PLXNA2: variants seen among roughly 807,000 people sequenced by gnomAD.
PLXNA2 encodes plexin A2.
PLXNA2 carries 91 observed loss-of-function variants against 193.5 expected under a neutral mutation model. The observed-to-expected ratio is 0.47, with a 90% CI of 0.40 to 0.56. The LOEUF (loss-of-function observed/expected upper bound fraction) is 0.56, where lower values mean the gene tolerates loss of function less well. Among genes scored for constraint, PLXNA2 ranks in the 20% least tolerant of loss-of-function variants. The pLI is 0.00. For missense variants in PLXNA2, 1,995 were observed against 2,503.2 expected, an observed-to-expected ratio of 0.80 and a Z score of 4.33; for synonymous variants, 997 against 1,027.3, an observed-to-expected ratio of 0.97 and a Z score of 0.56.
At chr1:208,057,935 T>C (rs976976076) in intron 13 of PLXNA2, among the ~76,000 whole-genome samples, 6 of 152,228 alleles carry the variant, frequency 3.9e-5, no homozygotes, top group Non-Finnish European at 7.3e-5. Flanking sequence ...CCTAAATACC[T>C]GTTTTCCAGA....
chr1:208,131,157 G>A (rs1475657313), intron 4 of PLXNA2, among the ~76,000 whole-genome samples: 4 of 152,238 alleles, frequency 2.6e-5, no homozygotes, highest in South Asian at 2.1e-4. Context: ...GCCAAGTCCC[G>A]GCCACGCACC....
intron 2 of PLXNA2, among the ~76,000 whole-genome samples, chr1:208,213,164 TAA>T (rs57234892): frequency 9.5e-5 from 14 of 147,702 alleles, no homozygotes; most frequent in South Asian, 4.3e-4. Flanking sequence ...CCAGAACTAT[TAA>T]AAAAAAAAAA....
chr1:208,217,759 A>T lies in PLXNA2; in HGVS notation c.164T>A (p.Val55Asp). The change falls in exon 2 of 32, where the codon GTC (valine) becomes GAC (aspartate). Residue 55 changes from valine to aspartate, a missense_variant. Val to Asp is a radical substitution (Grantham distance 152). Transcript: ENST00000367033. The surrounding 1 kb of genome is among the most constrained non-coding windows in gnomAD (Gnocchi z 4.7). ...NRDWTFNHLT[V>D]HQGTGAVYVG... The stretch of plus-strand genomic sequence containing the variant: ...ATAGACGGCCCCCGTCCCTTGGTGG[A>T]CGGTCAAGTGGTTGAAGGTCCAGTC... 1 of 1,614,064 alleles carries T rather than the reference A, an allele frequency of 6.2e-7. No individual in the cohort carries two copies. The highest frequency in any genetic ancestry group is 8.5e-7 in the Non-Finnish European group (1 of 1,179,994).
intron 4 of PLXNA2, among the ~76,000 whole-genome samples, chr1:208,120,080 G>A (rs1205357535): frequency 1.3e-5 from 2 of 152,206 alleles, no homozygotes; most frequent in Non-Finnish European, 2.9e-5. Flanking sequence ...GGGCTTTGGT[G>A]TCTCTGCACC....
intron 1 of PLXNA2, among the ~76,000 whole-genome samples, chr1:208,242,951 A>C (rs1375107894): frequency 6.6e-6 from 1 of 152,192 alleles, no homozygotes; most frequent in Non-Finnish European, 1.5e-5. Flanking sequence ...TGGGACCCTA[A>C]GCAAACTCCC....
chr1:208,201,971 GA>G (rs1670565297), intron 3 of PLXNA2, among the ~76,000 whole-genome samples: 1 of 108,064 alleles, frequency 9.3e-6, no homozygotes, highest in Admixed American at 1.2e-4. Flanking sequence ...ATCAGGGCAA[GA>G]ATTTTTTTTT....
intron 26 of PLXNA2, among the ~76,000 whole-genome samples, chr1:208,036,189 C>T (rs934295918): frequency 2.0e-4 from 30 of 152,222 alleles, no homozygotes; most frequent in African/African-American, 1.9e-4. Flanking sequence ...AGGAATTCTC[C>T]TTACAACTGA....
At chr1:208,035,061 T>C (rs1664629539) in intron 26 of PLXNA2, among the ~76,000 whole-genome samples, 1 of 152,192 alleles carries the variant, frequency 6.6e-6, no homozygotes, top group Non-Finnish European at 1.5e-5. Context: ...AAGTTTAAAT[T>C]ACACATGTGG....
intron 1 of PLXNA2, among the ~76,000 whole-genome samples, chr1:208,226,536 T>C (rs1018624715): frequency 2.0e-5 from 3 of 152,148 alleles, no homozygotes; most frequent in Non-Finnish European, 4.4e-5. Flanking sequence ...GCGGGGGCTC[T>C]GTTTCTTTCT....
intron 4 of PLXNA2, among the ~76,000 whole-genome samples, chr1:208,124,237 G>A (rs1273282055): frequency 6.6e-6 from 1 of 152,102 alleles, no homozygotes; most frequent in Non-Finnish European, 1.5e-5. Flanking sequence ...GGAGGGAAGG[G>A]GGAGAGGAGC....
At chr1:208,034,407 T>C in intron 27 of PLXNA2, 86 bp downstream of exon 27, 1 of 844,014 alleles carries the variant, frequency 1.2e-6, no homozygotes, top group East Asian at 2.5e-5. Context: ...AAGGGCTGCC[T>C]GCTGTTAGAA....
intron 17 of PLXNA2, among the ~76,000 whole-genome samples, chr1:208,048,627 G>A (rs1665155335): frequency 6.6e-6 from 1 of 152,204 alleles, no homozygotes; most frequent in Admixed American, 6.5e-5. Flanking sequence ...GTCCTGGTGA[G>A]GGAGCAGGGG....
At chr1:208,173,962 G>A (rs1034079021) in intron 3 of PLXNA2, among the ~76,000 whole-genome samples, 6 of 152,226 alleles carry the variant, frequency 3.9e-5, no homozygotes, top group South Asian at 2.1e-4. Flanking sequence ...GTGCATGTGC[G>A]CACCCCCACT....
At chr1:208,233,072 C>G (rs1035373024) in intron 1 of PLXNA2, among the ~76,000 whole-genome samples, 8 of 152,148 alleles carry the variant, frequency 5.3e-5, no homozygotes, top group African/African-American at 1.9e-4. Context: ...AGAGCCCATT[C>G]CCTCCCTAAG....
chr1:208,063,712 A>C (rs775732675), intron 12 of PLXNA2, among the ~76,000 whole-genome samples: 29 of 152,174 alleles, frequency 1.9e-4, no homozygotes, highest in Non-Finnish European at 1.6e-4. Flanking sequence ...CTAAGCAACT[A>C]TCATGCTCTG....
At chr1:208,192,136 C>T in intron 3 of PLXNA2, among the ~76,000 whole-genome samples, 1 of 152,184 alleles carries the variant, frequency 6.6e-6, no homozygotes, top group African/African-American at 2.4e-5. Context: ...CAACAAAGAC[C>T]ATGACCCTGA....
intron 7 of PLXNA2, 136 bp from the exon 8 acceptor site, chr1:208,096,261 G>C: frequency 1.5e-6 from 1 of 689,498 alleles, no homozygotes; most frequent in Non-Finnish European, 2.5e-6. Flanking sequence ...GAACCTGCCT[G>C]AATCGTCTCT....
intron 22 of PLXNA2, among the ~76,000 whole-genome samples, chr1:208,041,040 G>A (rs1207366666): frequency 6.6e-6 from 1 of 152,216 alleles, no homozygotes; most frequent in African/African-American, 2.4e-5. Context: ...CTGGGAGAGA[G>A]TGACAATGGC....
At chr1:208,079,797 TTG>T (rs10616498) in intron 11 of PLXNA2, among the ~76,000 whole-genome samples, 73,467 of 151,588 alleles carry the variant, frequency 0.48, 18,272 homozygotes, top group Non-Finnish European at 0.54. Context: ...TTGTTTTTTT[TTG>T]TGAGGTTGGA....
Sources: allele counts gnomAD v4.1 joint callset (sites outside exome capture counted in the v4.1 genomes callset), GRCh38; gene constraint gnomAD v4.1.1; non-coding constraint Gnocchi (gnomAD v3.1); transcripts MANE v1.5; gene names NCBI Gene and HGNC (gene_info 2026-07-23, HGNC 2026-07-21).